LMO7: variants seen among roughly 807,000 people sequenced by gnomAD.
The protein encoded by LMO7 is LIM domain 7.
Under a neutral mutation model 206.5 loss-of-function variants are expected in LMO7, and 120 were observed. The ratio of observed to expected loss-of-function variants is 0.58; its 90% CI spans 0.50 to 0.68. The LOEUF is 0.68. Ranked by LOEUF, LMO7 falls within the 30% of genes least tolerant of loss-of-function variation. The pLI, the probability that LMO7 is intolerant of heterozygous loss-of-function variation, is 0.00. For synonymous variants in LMO7, 706 were observed against 681.5 expected (o/e 1.04, Z -0.56); for missense variants, 1,959 against 1,957.9 (o/e 1.00, Z -0.01).
At chr13:75,656,504 AT>A (rs779362377) in intron 1 of LMO7, among the ~76,000 whole-genome samples, 2 of 152,208 alleles carry the variant, frequency 1.3e-5, no homozygotes, top group Non-Finnish European at 2.9e-5. Context: ...TTGTTTCTAC[AT>A]TTAAAAACCT....
At chr13:75,803,746 A>T (rs1035305485) in intron 7 of LMO7, among the ~76,000 whole-genome samples, 1 of 152,126 alleles carries the variant, frequency 6.6e-6, no homozygotes, top group South Asian at 2.1e-4. Flanking sequence ...TTTAGAAGTC[A>T]TCCAGTCCAG....
At chr13:75,843,299 T>C (rs1444230525) in intron 25 of LMO7, among the ~76,000 whole-genome samples, 1 of 152,166 alleles carries the variant, frequency 6.6e-6, no homozygotes, top group Non-Finnish European at 1.5e-5. Flanking sequence ...GAAGGTCTTA[T>C]GTATACGTGG....
intron 4 of LMO7, among the ~76,000 whole-genome samples, chr13:75,776,934 G>A (rs1429738142): frequency 6.6e-6 from 1 of 152,184 alleles, no homozygotes; most frequent in African/African-American, 2.4e-5. Context: ...GTAAAAATCA[G>A]AATACCAGAG....
At chr13:75,755,060 G>A (rs2047571047) in intron 3 of LMO7, among the ~76,000 whole-genome samples, 1 of 152,144 alleles carries the variant, frequency 6.6e-6, no homozygotes, top group African/African-American at 2.4e-5. Context: ...AAGGGATGAG[G>A]CATTCCAACA....
At chr13:75,840,630 A>G in intron 22 of LMO7, 135 bp downstream of exon 22, 1 of 1,047,120 alleles carries the variant, frequency 9.5e-7, no homozygotes, top group South Asian at 1.7e-5. Context: ...CACACAGTAC[A>G]TTTTCCATAA....
chr13:75,807,973 A>T lies in LMO7; in HGVS notation c.1690A>T (p.Thr564Ser), dbSNP rs2055767285. Residue 564 changes from threonine (T) to serine (S), a missense_variant, in exon 10 of 31, where the codon ACA becomes TCA. Coordinates refer to ENST00000377534, the MANE Select transcript of LMO7 (RefSeq NM_001306080.2). ...AAAATTTCTCTGTGTACTTGAAAGGACATGCCCATCCAAAGAAAAAAGTAA... is the reference window on the plus strand; with the variant it reads ...AAAATTTCTCTGTGTACTTGAAAGGTCATGCCCATCCAAAGAAAAAAGTAA... ...QAKFLCVLERTCPSKEKSNSC... is the reference protein window; with the variant it reads ...QAKFLCVLERSCPSKEKSNSC... The T allele has an allele frequency of 6.2e-7, 1 of 1,613,956 alleles. No homozygotes were observed. The highest frequency in any genetic ancestry group is 1.1e-5 in the South Asian group (1 of 91,076).
chr13:75,758,166 T>G (rs990352995), intron 3 of LMO7, among the ~76,000 whole-genome samples: 4 of 152,182 alleles, frequency 2.6e-5, no homozygotes, highest in African/African-American at 9.7e-5. Flanking sequence ...TAGATAAGAT[T>G]AGTTTTAATT....
intron 2 of LMO7, among the ~76,000 whole-genome samples, chr13:75,722,071 G>T (rs757477166): frequency 2.6e-5 from 4 of 152,166 alleles, no homozygotes; most frequent in African/African-American, 4.8e-5. Context: ...ATGGATCAAA[G>T]ACTTAAATCT....
chr13:75,670,638 G>A (rs761968523), intron 1 of LMO7, among the ~76,000 whole-genome samples: 3 of 152,086 alleles, frequency 2.0e-5, no homozygotes, highest in Non-Finnish European at 4.4e-5. Context: ...ATTTGTATAG[G>A]GCACTCACCA....
chr13:75,770,845 T>C (rs1232240442), intron 4 of LMO7, among the ~76,000 whole-genome samples: 1 of 152,142 alleles, frequency 6.6e-6, no homozygotes, highest in Non-Finnish European at 1.5e-5. Flanking sequence ...TGAATTGCAA[T>C]GAGGCAGAGA....
chr13:75,798,017 T>A (rs1300153956), intron 6 of LMO7, among the ~76,000 whole-genome samples: 1 of 152,134 alleles, frequency 6.6e-6, no homozygotes, highest in African/African-American at 2.4e-5. Context: ...TTCAGGGGGC[T>A]TTGAGCACAG....
chr13:75,691,176 G>C (rs527587424), intron 1 of LMO7, among the ~76,000 whole-genome samples: 3 of 152,222 alleles, frequency 2.0e-5, no homozygotes, highest in African/African-American at 7.2e-5. Flanking sequence ...TGAGAAAAGT[G>C]TTTTTCACAA....
chr13:75,731,013 T>A (rs1213353409), intron 3 of LMO7, among the ~76,000 whole-genome samples: 6 of 151,694 alleles, frequency 4.0e-5, no homozygotes, highest in South Asian at 4.2e-4. Context: ...ATAATTTCTG[T>A]TCTTTTACAT....
At chr13:75,803,636 T>C (rs2055062977) in intron 7 of LMO7, among the ~76,000 whole-genome samples, 1 of 152,226 alleles carries the variant, frequency 6.6e-6, no homozygotes, top group South Asian at 2.1e-4. Flanking sequence ...TGATTTTGAA[T>C]CATAATACAG....
chr13:75,631,424 AT>A (rs2138814403), upstream of LMO7: 1 of 152,396 alleles, frequency 6.6e-6, no homozygotes, highest in African/African-American at 2.4e-5. Context: ...TGGGATTCTC[AT>A]TCTTAACATG....
chr13:75,704,240 T>G (rs932020976), intron 1 of LMO7, among the ~76,000 whole-genome samples: 5 of 152,226 alleles, frequency 3.3e-5, no homozygotes, highest in Admixed American at 6.5e-5. Context: ...TCTCCCTGAA[T>G]GAAAAATTAT....
At chr13:75,835,858 A>C (rs1314832392) in intron 18 of LMO7, among the ~76,000 whole-genome samples, 1 of 152,184 alleles carries the variant, frequency 6.6e-6, no homozygotes, top group Non-Finnish European at 1.5e-5. Flanking sequence ...AATTTTTCTA[A>C]GTATCAAAGC....
chr13:75,743,873 TA>T (rs1219165226), intron 3 of LMO7, among the ~76,000 whole-genome samples: 8 of 152,230 alleles, frequency 5.3e-5, no homozygotes, highest in East Asian at 1.9e-4. Context: ...GAAAACACAC[TA>T]AAAAAATGAC....
intron 2 of LMO7, among the ~76,000 whole-genome samples, chr13:75,715,845 A>T (rs946531403): frequency 6.6e-6 from 1 of 152,220 alleles, no homozygotes; most frequent in Admixed American, 6.5e-5. Context: ...AATGCCTGAG[A>T]GGAAAACAAA....
Sources: allele counts gnomAD v4.1 joint callset (sites outside exome capture counted in the v4.1 genomes callset), GRCh38; gene constraint gnomAD v4.1.1; transcripts MANE v1.5; gene names NCBI Gene and HGNC (gene_info 2026-07-23, HGNC 2026-07-21).